ACAN: variants seen among roughly 807,000 people sequenced by gnomAD.
ACAN encodes the protein aggrecan.
In ACAN, 47 loss-of-function variants were observed where a neutral mutation model predicts 169.1. The observed-to-expected ratio is 0.28, with a 90% CI of 0.22 to 0.35. The LOEUF is 0.35. Among genes scored for constraint, ACAN ranks in the 10% least tolerant of loss-of-function variants. ACAN has a pLI of 1.00. For missense variants in ACAN, 2,716 were observed against 2,759.9 expected (o/e 0.98, Z 0.36); for synonymous variants, 1,115 against 1,112.2 (o/e 1.00, Z -0.05).
Position 88,855,342 on chromosome 15 carries a change from C to A in ACAN, c.2757C>A (p.Pro919=), listed in dbSNP as rs1897028389. The A allele has an allele frequency of 5.6e-6, 9 of 1,612,606 alleles. No homozygotes were observed. Among genetic ancestry groups the A allele is most frequent in the African/African-American group, 1.3e-5 (1 of 74,906 alleles). The part of the protein sequence containing the change: ...GSGLPVESGL[P]SGDEERIEWP... ...GCCTGCCTGTGGAAAGTGGACTACC[C>A]TCAGGGGATGAAGAGAGAATTGAGT... Residue 919 remains proline, a synonymous_variant, in exon 12 of 19, where the codon CCC becomes CCA. Coordinates refer to ENST00000560601, the MANE Select transcript of ACAN (RefSeq NM_001369268.1).
intron 1 of ACAN, among the ~76,000 whole-genome samples, chr15:88,810,166 C>T (rs1357299675): frequency 2.0e-5 from 3 of 152,098 alleles, no homozygotes; most frequent in East Asian, 1.9e-4. Context: ...TTCTGAGGCT[C>T]CTCCCTTCAC....
chr15:88,806,849 G>A (rs574473733), intron 1 of ACAN, among the ~76,000 whole-genome samples: 2 of 152,074 alleles, frequency 1.3e-5, no homozygotes, highest in East Asian at 3.9e-4. Context: ...AATTTAGCGG[G>A]GTTCTTAATA....
rs147345758 is a variant in ACAN, at chr15:88,847,042, G to T, written c.1430-201G>T. 6.6e-5 allele frequency among the ~76,000 whole-genome samples: 10 copies of T among 152,342 alleles called. No individual in the cohort carries two copies. The East Asian group carries it at 1.9e-3, about 29-fold the overall frequency. ...CTTGTTCCGTAATGGCCTTGGTGGG[G>T]TTCCCACGCAGGGGAGGGGCAGATG... On this transcript the variant is annotated intron_variant, in intron 7 of 18. Transcript: ENST00000560601.
intron 13 of ACAN, among the ~76,000 whole-genome samples, chr15:88,865,634 C>T (rs1159541015): frequency 6.6e-6 from 1 of 152,102 alleles, no homozygotes; most frequent in African/African-American, 2.4e-5. Context: ...CCTATGAAGC[C>T]TGCCCATTGC....
Position 88,873,036 on chromosome 15 carries a change from G to A in ACAN, c.7447+11G>A, listed in dbSNP as rs760564511. The A allele has an allele frequency of 3.4e-5, 54 of 1,610,520 alleles. No homozygotes were observed. Among genetic ancestry groups the A allele is most frequent in the East Asian group, 1.8e-4 (8 of 44,802 alleles). On this transcript the variant is annotated intron_variant, in intron 17 of 18. Coordinates refer to ENST00000560601, the MANE Select transcript of ACAN (RefSeq NM_001369268.1). The surrounding 1 kb of genome is among the most constrained non-coding windows in gnomAD (Gnocchi z 7.5). ...GTAAAAAGGGCACAGGTAAGCTGGC[G>A]CCTGGGAGGGGTCAGGGGAGGATAG...
rs1303837459 is a variant in ACAN, at chr15:88,822,739, C to T, written c.-7-13461C>T. ...GTGAGCCACCACGCCTGGCCGCTAA[C>T]TACATGTGTTCTATGAGGTGAGGTC... On this transcript the variant is annotated intron_variant, in intron 1 of 18. Transcript: ENST00000560601. Among the ~76,000 whole-genome samples, 3 of 152,142 alleles carry T rather than the reference C, an allele frequency of 2.0e-5. No homozygotes were observed. In the South Asian group the frequency reaches 6.2e-4, roughly 32 times the overall value.
intron 1 of ACAN, among the ~76,000 whole-genome samples, chr15:88,831,178 G>A (rs75568160): frequency 0.011 from 1,715 of 152,326 alleles, 39 homozygotes; most frequent in African/African-American, 0.039. Context: ...GACTCTGGCC[G>A]GCTGGTGCCA....
chr15:88,809,818 G>T (rs942690022), intron 1 of ACAN, among the ~76,000 whole-genome samples: 1 of 152,212 alleles, frequency 6.6e-6, no homozygotes, highest in African/African-American at 2.4e-5. Flanking sequence ...GAGCTGAGGT[G>T]AGCCCAGCTA....
chr15:88,868,678 C>T lies in ACAN; in HGVS notation c.7060+349C>T, dbSNP rs9972592. Among the ~76,000 whole-genome samples, 4,829 of 152,244 alleles carry T rather than the reference C, an allele frequency of 0.032. 264 individuals carry two copies. The highest frequency in any genetic ancestry group is 0.11 in the African/African-American group (4,602 of 41,532). ...AGCTATGGGGTGGGAGTAATTGGTT[C>T]TCATTCCAGATGACAGCCACGGATC... On this transcript the variant is annotated intron_variant, in intron 14 of 18. Coordinates refer to ENST00000560601, the MANE Select transcript of ACAN (RefSeq NM_001369268.1). The surrounding 1 kb of genome is among the most constrained non-coding windows in gnomAD (Gnocchi z 5.2).
intron 1 of ACAN, among the ~76,000 whole-genome samples, chr15:88,831,955 ATG>A (rs1896375142): frequency 6.6e-6 from 1 of 152,082 alleles, no homozygotes; most frequent in African/African-American, 2.4e-5. Context: ...AGAGGAGGGG[ATG>A]TGTTTTGGGT....
rs1895720868 is a variant in ACAN, at chr15:88,807,762, G to GTGTGTGTGTGTGTGTGTGTGTGTGTT, written c.-8+3977_-8+3978insTTTGTGTGTGTGTGTGTGTGTGTGTG. Among the ~76,000 whole-genome samples, 1 of 151,540 alleles carries GTGTGTGTGTGTGTGTGTGTGTGTGTT rather than the reference G, an allele frequency of 6.6e-6. No individual in the cohort carries two copies. Among genetic ancestry groups the GTGTGTGTGTGTGTGTGTGTGTGTGTT allele is most frequent in the Non-Finnish European group, 1.5e-5 (1 of 67,766 alleles). ...TAAGTGGTGGAGTGTGTGTGTGTGT[G>GTGTGTGTGTGTGTGTGTGTGTGTGTT]TGTGTGTGTGTGTGTGTGTGTGTGC... On this transcript the variant is annotated intron_variant, in intron 1 of 18. Coordinates refer to ENST00000560601, the MANE Select transcript of ACAN (RefSeq NM_001369268.1). This position sits in a 1 kb window ranked among gnomAD's most constrained non-coding sequence, Gnocchi z 4.0.
At position 88,874,597 on chromosome 15, in the gene ACAN, TA is replaced by T. The variant is rs1167060988; in HGVS notation, c.*119del. ...CTTTTTGTCATATAAGGAATCCCAT[TA>T]AAGAAGGAAAAAAATAAATCCCACA... On this transcript the variant is annotated 3_prime_UTR_variant, in exon 19 of 19. Transcript: ENST00000560601. The surrounding 1 kb of genome is among the most constrained non-coding windows in gnomAD (Gnocchi z 7.3). 6.9e-6 allele frequency: 7 copies of T among 1,011,654 alleles called. No homozygotes were observed. Among genetic ancestry groups the T allele is most frequent in the Non-Finnish European group, 1.5e-6 (1 of 660,918 alleles). The allele number at this position is 1,011,654 out of a possible 1,614,324, so 62.7% of individuals were successfully genotyped here. A position where few individuals can be genotyped will look rare whatever the true frequency, so the allele number is the denominator to read the frequency against.
chr15:88,815,655 TTAA>T (rs1399927813), intron 1 of ACAN, among the ~76,000 whole-genome samples: 1,331 of 71,516 alleles, frequency 0.019, 6 homozygotes, highest in African/African-American at 0.057. Flanking sequence ...TCTGCACTGA[TTAA>T]AAAAAAAAAA....
chr15:88,835,406 TAC>T (rs142175879), intron 1 of ACAN, among the ~76,000 whole-genome samples: 74 of 150,004 alleles, frequency 4.9e-4, no homozygotes, highest in African/African-American at 1.6e-3. Flanking sequence ...GACACACACA[TAC>T]ACACACACAC....
intron 1 of ACAN, among the ~76,000 whole-genome samples, chr15:88,826,614 C>A (rs1214479385): frequency 6.6e-6 from 1 of 152,182 alleles, no homozygotes; most frequent in East Asian, 1.9e-4. Context: ...TTGGCAAGAT[C>A]CCACCAACCG....
In ACAN at chr15:88,843,772, C is replaced by G; in HGVS notation, c.1051+124C>G. On this transcript the variant is annotated intron_variant, in intron 6 of 18. Coordinates refer to ENST00000560601, the MANE Select transcript of ACAN (RefSeq NM_001369268.1). The surrounding 1 kb of genome is among the most constrained non-coding windows in gnomAD (Gnocchi z 4.0). ...TGAAGGGGCCACGGGGTACCTGAAC[C>G]CCATGTTTTTAGGACACCCCTCCAT... 7.9e-7 allele frequency: 1 copy of G among 1,264,220 alleles called. No individual in the cohort carries two copies. The highest frequency in any genetic ancestry group is 1.1e-6 in the Non-Finnish European group (1 of 938,398). 78.3% of individuals were successfully genotyped at this position (1,264,220 alleles called of 1,614,324 possible). A position where few individuals can be genotyped will look rare whatever the true frequency, so the allele number is the denominator to read the frequency against.
intron 1 of ACAN, among the ~76,000 whole-genome samples, chr15:88,816,204 C>T (rs1484484996): frequency 6.6e-6 from 1 of 152,208 alleles, no homozygotes; most frequent in African/African-American, 2.4e-5. Context: ...GACCTTGTTT[C>T]CAAATAACGT....
In ACAN at chr15:88,860,326, C is replaced by G. The variant is rs749098394; in HGVS notation, c.6833C>G (p.Ala2278Gly). ...WKRESESTAA[A>G]PARSCAEEPC... is the part of the protein sequence containing the mutation. ...TCAACCTCTCCCCTGGGGGTTGCAG[C>G]CCCCGCCAGGTCCTGTGCAGAGGAG... is the stretch of plus-strand genomic sequence containing the variant. Residue 2278 changes from alanine (A) to glycine (G), a missense_variant and splice_region_variant, in exon 13 of 19, where the codon GCC becomes GGC. Coordinates refer to ENST00000560601, the MANE Select transcript of ACAN (RefSeq NM_001369268.1). 1 of 1,605,924 alleles carries G rather than the reference C, an allele frequency of 6.2e-7. No individual in the cohort carries two copies. The highest frequency in any genetic ancestry group is 1.1e-5 in the South Asian group (1 of 89,428).
At position 88,874,566 on chromosome 15, in the gene ACAN, T is replaced by C; in HGVS notation, c.*85T>C. 1 of 1,249,960 alleles carries C rather than the reference T, an allele frequency of 8.0e-7. No homozygotes were observed. Among genetic ancestry groups the C allele is most frequent in the East Asian group, 2.5e-5 (1 of 39,508 alleles). The allele number at this position is 1,249,960 out of a possible 1,614,324, so 77.4% of individuals were successfully genotyped here. On this transcript the variant is annotated 3_prime_UTR_variant, in exon 19 of 19. Coordinates refer to ENST00000560601, the MANE Select transcript of ACAN (RefSeq NM_001369268.1). The surrounding 1 kb of genome is among the most constrained non-coding windows in gnomAD (Gnocchi z 7.3). Reference sequence around the variant, plus strand: ...ATCCCACCCAGACGGTGTCCTCTTCTTGTCGCTTTTTGTCATATAAGGAAT... The same window carrying C: ...ATCCCACCCAGACGGTGTCCTCTTCCTGTCGCTTTTTGTCATATAAGGAAT...
Sources: gnomAD v4.1 joint callset for allele counts (sites outside exome capture counted in the v4.1 genomes callset) on GRCh38, gnomAD v4.1.1 for gene constraint, Gnocchi (gnomAD v3.1) non-coding constraint, MANE v1.5 for transcripts, NCBI Gene and HGNC (gene_info 2026-07-23, HGNC 2026-07-21) for gene names.